Variants in FSTL4 observed in about 807,000 individuals in gnomAD.
FSTL4 encodes the protein follistatin-related protein 4.
Under a neutral mutation model 78.2 loss-of-function variants are expected in FSTL4, and 28 were observed. That is an observed-to-expected ratio of 0.36 (90% CI 0.27 to 0.49). The LOEUF (loss-of-function observed/expected upper bound fraction) is 0.49. FSTL4 is among the 20% of genes least tolerant of loss of function. FSTL4 has a pLI of 0.98. For missense variants in FSTL4, 922 were observed against 1,084.9 expected (o/e 0.85, Z 2.11); for synonymous variants, 422 against 440.5 (o/e 0.96, Z 0.53).
rs187257938 is a variant in FSTL4, at chr5:133,456,377, C to T, written c.161-55391G>A. Among the ~76,000 whole-genome samples the T allele has an allele frequency of 8.6e-4, 131 of 152,340 alleles. 2 individuals are homozygous for T. The highest frequency in any genetic ancestry group is 1.3e-3 in the Non-Finnish European group (86 of 68,028). On this transcript the variant is annotated intron_variant, in intron 3 of 15. Transcript: ENST00000265342. The stretch of plus-strand genomic sequence containing the variant: ...TGATAGCTTTGGCTTCTACTTTTTG[C>T]TTTAGCTTTGATGTGCTCTGGGTTA...
At chr5:133,299,868 C>T (rs547365074) in intron 6 of FSTL4, among the ~76,000 whole-genome samples, 5 of 152,168 alleles carry the variant, frequency 3.3e-5, no homozygotes, top group East Asian at 1.9e-4. Context: ...TACAATTAGT[C>T]GGTACACTGT....
At chr5:133,788,702 G>A in the FSTL4 span, among the ~76,000 whole-genome samples, 1 of 152,228 alleles carries the variant, frequency 6.6e-6, no homozygotes, top group Non-Finnish European at 1.5e-5. Flanking sequence ...GAATTCCACA[G>A]ATGCTTATAA....
chr5:133,399,595 AT>A (rs1355565281), intron 4 of FSTL4, among the ~76,000 whole-genome samples: 1 of 152,226 alleles, frequency 6.6e-6, no homozygotes, highest in African/African-American at 2.4e-5. Flanking sequence ...GTGTGTCAGC[AT>A]CATACCATCC....
intron 4 of FSTL4, among the ~76,000 whole-genome samples, chr5:133,323,529 G>A (rs772188027): frequency 1.3e-5 from 2 of 152,216 alleles, no homozygotes; most frequent in East Asian, 1.9e-4. Context: ...CCTCCTGACC[G>A]CCAGTGCACA....
the FSTL4 span, among the ~76,000 whole-genome samples, chr5:133,683,839 G>A: frequency 1.3e-5 from 2 of 152,186 alleles, no homozygotes; most frequent in Non-Finnish European, 1.5e-5. Context: ...CTGGACTTGG[G>A]CTGCTGGATG....
At chr5:133,772,334 T>C in the FSTL4 span, among the ~76,000 whole-genome samples, 2 of 152,240 alleles carry the variant, frequency 1.3e-5, no homozygotes, top group African/African-American at 2.4e-5. Context: ...AATGCAAATG[T>C]TGTAAAAATA....
chr5:133,595,563 C>A (rs747241376), intron 2 of FSTL4, among the ~76,000 whole-genome samples: 28 of 152,312 alleles, frequency 1.8e-4, no homozygotes, highest in Non-Finnish European at 3.2e-4. Context: ...TGCCTTGCTA[C>A]GTGATATGTG....
At chr5:133,368,178 T>C (rs1244777636) in intron 4 of FSTL4, among the ~76,000 whole-genome samples, 1 of 152,256 alleles carries the variant, frequency 6.6e-6, no homozygotes, top group East Asian at 1.9e-4. Context: ...ATGTGATTTA[T>C]GGTGGGAGGC....
the FSTL4 span, among the ~76,000 whole-genome samples, chr5:133,642,931 T>C: frequency 6.6e-6 from 1 of 152,178 alleles, no homozygotes; most frequent in South Asian, 2.1e-4. Context: ...TGTTCAACCA[T>C]AAAGCACAAG....
rs1352856200 is a variant in FSTL4 at position 133,338,525 on chromosome 5, T to C, written c.410-21873A>G. 6.6e-6 allele frequency among the ~76,000 whole-genome samples: 1 copy of C among 152,094 alleles called. No homozygotes were observed. The highest frequency in any genetic ancestry group is 1.5e-5 in the Non-Finnish European group (1 of 68,000). The stretch of plus-strand genomic sequence containing the variant: ...ACAGAAACTTCCCTCTGCTCCCCCA[T>C]GGATACTCGGTTCCCTCAATCGAGG... On this transcript the variant is annotated intron_variant, in intron 4 of 15. Transcript: ENST00000265342. The surrounding 1 kb of genome is among the most constrained non-coding windows in gnomAD (Gnocchi z 4.0).
At chr5:133,618,630 G>A in the FSTL4 span, among the ~76,000 whole-genome samples, 1 of 152,162 alleles carries the variant, frequency 6.6e-6, no homozygotes, top group Non-Finnish European at 1.5e-5. Context: ...CCCTTTATAT[G>A]TATTGTTTTT....
At chr5:133,623,089 CT>C in the FSTL4 span, among the ~76,000 whole-genome samples, 10,169 of 146,784 alleles carry the variant, frequency 0.069, 364 homozygotes, top group Non-Finnish European at 0.074. Flanking sequence ...AGGATGAGGT[CT>C]TTTTTTTTTT....
At chr5:133,434,679 A>G (rs1015311829) in intron 3 of FSTL4, among the ~76,000 whole-genome samples, 7 of 152,136 alleles carry the variant, frequency 4.6e-5, no homozygotes, top group Non-Finnish European at 8.8e-5. Flanking sequence ...GACTTAATAA[A>G]TAAGTACTGC....
intron 3 of FSTL4, among the ~76,000 whole-genome samples, chr5:133,462,158 G>A (rs2112839248): frequency 6.6e-6 from 1 of 152,340 alleles, no homozygotes; most frequent in Non-Finnish European, 1.5e-5. Context: ...CCTCACTGAG[G>A]CAAGAGAGCC....
the FSTL4 span, among the ~76,000 whole-genome samples, chr5:133,694,104 G>T: frequency 6.6e-6 from 1 of 152,176 alleles, no homozygotes; most frequent in Non-Finnish European, 1.5e-5. Context: ...GAGGTGCAAA[G>T]ACTTCAAATT....
the FSTL4 span, among the ~76,000 whole-genome samples, chr5:133,755,285 C>T: frequency 6.6e-6 from 1 of 152,208 alleles, no homozygotes; most frequent in Non-Finnish European, 1.5e-5. Context: ...GGATAGCACT[C>T]TCACTCTGTC....
At chr5:133,298,580 C>T (rs538730966) in intron 6 of FSTL4, among the ~76,000 whole-genome samples, 3 of 152,352 alleles carry the variant, frequency 2.0e-5, no homozygotes, top group East Asian at 3.9e-4. Context: ...CAATTTGGGG[C>T]GTTTCCTTAA....
At chr5:133,776,975 G>A in the FSTL4 span, among the ~76,000 whole-genome samples, 1 of 152,122 alleles carries the variant, frequency 6.6e-6, no homozygotes, top group Non-Finnish European at 1.5e-5. Context: ...GGGCCATGGA[G>A]AGCCCACCCC....
chr5:133,260,065 G>T (rs1305672016), intron 6 of FSTL4, among the ~76,000 whole-genome samples: 2 of 152,208 alleles, frequency 1.3e-5, no homozygotes, highest in Non-Finnish European at 2.9e-5. Context: ...TGGCATTCTT[G>T]TTACTAAAAA....
Sources: gnomAD v4.1 joint callset for allele counts (sites outside exome capture counted in the v4.1 genomes callset) on GRCh38, gnomAD v4.1.1 for gene constraint, Gnocchi (gnomAD v3.1) non-coding constraint, MANE v1.5 for transcripts, NCBI Gene and HGNC (gene_info 2026-07-23, HGNC 2026-07-21) for gene names.